The following PTGIR variants were observed in gnomAD, a reference collection of about 807,000 sequenced individuals.
The protein encoded by PTGIR is prostacyclin receptor.
A neutral mutation model predicts 17.6 loss-of-function variants in PTGIR; 16 were observed. The ratio of observed to expected loss-of-function variants is 0.91; its 90% CI spans 0.61 to 1.38. The LOEUF (loss-of-function observed/expected upper bound fraction) is 1.38. PTGIR is among the 40% of genes most tolerant of loss of function. The pLI is 0.00. For synonymous variants in PTGIR, 274 were observed against 255.4 expected (o/e 1.07, Z -0.69); for missense variants, 532 against 548.6 (o/e 0.97, Z 0.30).
chr19:46,614,664 G>A, the PTGIR span, among the ~76,000 whole-genome samples: 20 of 152,224 alleles, frequency 1.3e-4, 1 homozygote, highest in Admixed American at 9.2e-4. Context: ...ATCACCTGAG[G>A]TCAGGAGTTT....
chr19:46,614,354 A>C, the PTGIR span: 10 of 983,530 alleles, frequency 1.0e-5, no homozygotes, highest in Non-Finnish European at 1.1e-5. Flanking sequence ...TCCCAGGCCC[A>C]GCCCACGGCA....
intron 2 of PTGIR, chr19:46,622,966 TTC>T (rs2052746743): frequency 6.6e-6 from 1 of 150,382 alleles, no homozygotes; most frequent in African/African-American, 2.5e-5. Context: ...GCCTTTCTTT[TTC>T]TTTTTTTTCT....
chr19:46,614,403 G>A, the PTGIR span: 1 of 985,414 alleles, frequency 1.0e-6, no homozygotes, highest in African/African-American at 1.7e-5. Flanking sequence ...CCATTTGTGG[G>A]TCAGGCCGGG....
rs767986747 is a variant in PTGIR at position 46,621,589 on chromosome 19, G to A, written c.852C>T (p.Asn284=). 2.5e-6 allele frequency: 4 copies of A among 1,613,922 alleles called. No homozygotes were observed. The highest frequency in any genetic ancestry group is 8.5e-7 in the Non-Finnish European group (1 of 1,180,044). ...DLLAFRFYAF[N]PILDPWVFIL... ...TGAAGACCCAGGGGTCCAGGATGGG[G>A]TTGAAGGCGTAGAAGCGGAAGGCAA... The change falls in exon 3 of 3, where the codon AAC becomes AAT. Residue 284 remains asparagine (N), a synonymous_variant. Transcript: ENST00000291294. This position sits in a 1 kb window ranked among gnomAD's most constrained non-coding sequence, Gnocchi z 4.8.
downstream of PTGIR, among the ~76,000 whole-genome samples, chr19:46,619,547 A>AAGAGAGAGAGAG (rs200797814): frequency 3.4e-5 from 3 of 87,818 alleles, no homozygotes; most frequent in African/African-American, 1.4e-4. Context: ...GAAAGAAAGA[A>AAGAGAGAGAGAG]AGAGAGAGAG....
At chr19:46,622,977 C>CTTTT (rs1372914255) in intron 2 of PTGIR, 1 of 125,344 alleles carries the variant, frequency 8.0e-6, no homozygotes, top group Non-Finnish European at 1.7e-5. Context: ...TCTTTTTTTT[C>CTTTT]TTATTTTTTT....
downstream of PTGIR, among the ~76,000 whole-genome samples, chr19:46,619,503 AAG>A (rs1447258319): frequency 1.9e-5 from 1 of 53,070 alleles, no homozygotes; most frequent in Non-Finnish European, 3.7e-5. Flanking sequence ...TCAAAAAAGA[AAG>A]AAAGAAAGAA....
chr19:46,613,722 C>T, the PTGIR span, among the ~76,000 whole-genome samples: 1 of 152,182 alleles, frequency 6.6e-6, no homozygotes, highest in Non-Finnish European at 1.5e-5. Context: ...GTGTGCGGAC[C>T]CTGCCCAGGC....
chr19:46,617,324 C>T (rs1391981215), downstream of PTGIR, among the ~76,000 whole-genome samples: 2 of 152,110 alleles, frequency 1.3e-5, no homozygotes, highest in Non-Finnish European at 2.9e-5. Flanking sequence ...GCCAGGATCC[C>T]ATCTAGGAGG....
At chr19:46,623,138 C>T (rs1188609474) in intron 2 of PTGIR, 6 of 196,838 alleles carry the variant, frequency 3.0e-5, no homozygotes, top group Non-Finnish European at 6.2e-5. Context: ...TGTGCCACTA[C>T]GTCCGGCTAC....
downstream of PTGIR, among the ~76,000 whole-genome samples, chr19:46,615,932 G>T (rs963641655): frequency 6.6e-6 from 1 of 151,774 alleles, no homozygotes. Flanking sequence ...CTCCCAAGTC[G>T]CTGGGAATAT....
downstream of PTGIR, among the ~76,000 whole-genome samples, chr19:46,619,547 A>AAGAAAGAAAGAGAGAG (rs775594524): frequency 1.1e-5 from 1 of 87,916 alleles, no homozygotes; most frequent in African/African-American, 4.6e-5. Flanking sequence ...GAAAGAAAGA[A>AAGAAAGAAAGAGAGAG]AGAGAGAGAG....
chr19:46,621,978 C>T lies in PTGIR; in HGVS notation c.769-306G>A, dbSNP rs534457708. ...GTATAACGTCCCTGCAAGAAGGTGG[C>T]GCCACCCGGCTGGGCCCCCTGAAAC... On this transcript the variant is annotated intron_variant, in intron 2 of 2. Transcript: ENST00000291294. The surrounding 1 kb of genome is among the most constrained non-coding windows in gnomAD (Gnocchi z 4.8). 19 of 985,364 alleles carry T rather than the reference C, an allele frequency of 1.9e-5. No individual in the cohort carries two copies. The highest frequency in any genetic ancestry group is 1.1e-4 in the East Asian group (1 of 8,798). The allele number at this position is 985,364 out of a possible 1,614,324, so 61.0% of individuals were successfully genotyped here. A position where few individuals can be genotyped will look rare whatever the true frequency, so the allele number is the denominator to read the frequency against.
At chr19:46,611,620 G>A in the PTGIR span, among the ~76,000 whole-genome samples, 10 of 152,204 alleles carry the variant, frequency 6.6e-5, no homozygotes, top group African/African-American at 9.6e-5. Flanking sequence ...GGAAGAAGCC[G>A]CCTCAACAGC....
At chr19:46,619,563 GA>G (rs1972017862), downstream of PTGIR, among the ~76,000 whole-genome samples, 13 of 109,922 alleles carry the variant, frequency 1.2e-4, no homozygotes, top group Admixed American at 1.9e-4. Flanking sequence ...GAGAGAGAGA[GA>G]GAGAGAGAGA....
At position 46,623,686 on chromosome 19, in the gene PTGIR, G is replaced by A. The variant is rs915407661; in HGVS notation, c.540C>T (p.Gly180=). 6.4e-7 allele frequency: 1 copy of A among 1,552,132 alleles called. No individual in the cohort carries two copies. Among genetic ancestry groups the A allele is most frequent in the Middle Eastern group, 1.7e-4 (1 of 5,912 alleles). The change falls in exon 2 of 3, where the codon GGC becomes GGT. Residue 180 remains glycine, a synonymous_variant. Transcript: ENST00000291294. ...CGTAGGCCAGCGAGAAGGCGGCGCC[G>A]CCCGGCTGGGCCCAGCGCATGCGGA... ...CFLRMRWAQP[G]GAAFSLAYAG...
downstream of PTGIR, among the ~76,000 whole-genome samples, chr19:46,619,641 GAA>G (rs1324679418): frequency 2.9e-5 from 4 of 138,826 alleles, no homozygotes; most frequent in African/African-American, 1.1e-4. Flanking sequence ...AAGAAAGAAA[GAA>G]AGAAAGAAAG....
Position 46,621,243 on chromosome 19 carries a change from G to T in PTGIR, c.*37C>A. 2 of 1,472,062 alleles carry T rather than the reference G, an allele frequency of 1.4e-6. No homozygotes were observed. The highest frequency in any genetic ancestry group is 1.6e-5 in the South Asian group (1 of 64,076). The allele number at this position is 1,472,062 out of a possible 1,614,324, so 91.2% of individuals were successfully genotyped here. A position where few individuals can be genotyped will look rare whatever the true frequency, so the allele number is the denominator to read the frequency against. ...CCTGATTTTCTGGCTCCTGTCGCCC[G>T]AAGACAGGGCAGAGATCACAGGGTC... is the stretch of plus-strand genomic sequence containing the variant. On this transcript the variant is annotated 3_prime_UTR_variant, in exon 3 of 3. Transcript: ENST00000291294. This position sits in a 1 kb window ranked among gnomAD's most constrained non-coding sequence, Gnocchi z 4.8.
downstream of PTGIR, among the ~76,000 whole-genome samples, chr19:46,615,481 G>A (rs963922922): frequency 6.6e-6 from 1 of 152,142 alleles, no homozygotes; most frequent in Non-Finnish European, 1.5e-5. Context: ...AGTACGGCTT[G>A]TGATTTTGTA....
Sources: allele counts gnomAD v4.1 joint callset (sites outside exome capture counted in the v4.1 genomes callset), GRCh38; gene constraint gnomAD v4.1.1; non-coding constraint Gnocchi (gnomAD v3.1); transcripts MANE v1.5; gene names NCBI Gene and HGNC (gene_info 2026-07-23, HGNC 2026-07-21).